Variants in SHTN1 observed in about 807,000 individuals in gnomAD.
SHTN1 encodes shootin-1.
SHTN1 carries 42 observed loss-of-function variants against 83.1 expected under a neutral mutation model. The ratio of observed to expected loss-of-function variants is 0.51; its 90% CI spans 0.39 to 0.65. SHTN1 has a LOEUF of 0.65. SHTN1 is among the 30% of genes least tolerant of loss of function. The pLI, the probability that SHTN1 is intolerant of heterozygous loss-of-function variation, is 0.00. For missense variants in SHTN1, 622 were observed against 737.8 expected (o/e 0.84, Z 1.82); for synonymous variants, 224 against 247.7 (o/e 0.90, Z 0.90).
chr10:116,922,833 G>A (rs1292000435), intron 11 of SHTN1, among the ~76,000 whole-genome samples: 1 of 152,080 alleles, frequency 6.6e-6, no homozygotes, highest in Non-Finnish European at 1.5e-5. Context: ...TGGGCGTGGT[G>A]GCGGACATCT....
chr10:116,881,637 G>A lies in SHTN1; in HGVS notation c.*4707C>T, dbSNP rs1412378160. 6.5e-7 allele frequency: 1 copy of A among 1,548,536 alleles called. No homozygotes were observed. Among genetic ancestry groups the A allele is most frequent in the African/African-American group, 1.4e-5 (1 of 72,976 alleles). On this transcript the variant is annotated 3_prime_UTR_variant, in exon 17 of 17. Transcript: ENST00000355371. ...CACCTTCCCCACACAAGGTGTAGAG[G>A]AATCAGCCGAAACAGGAGCATCCTC...
At chr10:117,052,041 A>G (rs1378759546) in intron 1 of SHTN1, among the ~76,000 whole-genome samples, 1 of 33,848 alleles carries the variant, frequency 3.0e-5, no homozygotes, top group Admixed American at 3.3e-4. Flanking sequence ...TAAGGAATAC[A>G]CAAAGAAAAT....
intron 1 of SHTN1, among the ~76,000 whole-genome samples, chr10:117,122,600 T>G (rs1032438668): frequency 6.6e-6 from 1 of 152,200 alleles, no homozygotes; most frequent in African/African-American, 2.4e-5. Context: ...TCACCTCACA[T>G]CTCTTAGGAC....
At chr10:117,016,535 T>TCCAGACTC (rs1351942747) in intron 2 of SHTN1, among the ~76,000 whole-genome samples, 1 of 152,192 alleles carries the variant, frequency 6.6e-6, no homozygotes, top group Non-Finnish European at 1.5e-5. Flanking sequence ...GCCTCCTAAG[T>TCCAGACTC]AGCTGGAACT....
chr10:116,971,889 C>A (rs1049172253), intron 2 of SHTN1, among the ~76,000 whole-genome samples: 1 of 152,164 alleles, frequency 6.6e-6, no homozygotes, highest in Non-Finnish European at 1.5e-5. Flanking sequence ...ATTCAATTCT[C>A]GCTTCAGTCA....
At chr10:116,970,177 C>G (rs1250923116) in intron 2 of SHTN1, among the ~76,000 whole-genome samples, 4 of 152,010 alleles carry the variant, frequency 2.6e-5, no homozygotes, top group Admixed American at 2.6e-4. Flanking sequence ...TCTCATAGAC[C>G]ACTGATGGAT....
chr10:117,005,538 G>A, upstream of SHTN1: 6 of 1,003,426 alleles, frequency 6.0e-6, no homozygotes, highest in Non-Finnish European at 7.1e-6. Flanking sequence ...CTTCCCGGGG[G>A]TCGCTCCCAA....
Position 116,911,731 on chromosome 10 carries a change from T to C in SHTN1, c.1359+59A>G, listed in dbSNP as rs916264746. 5.7e-6 allele frequency: 9 copies of C among 1,576,750 alleles called. No homozygotes were observed. The African/African-American group carries it at 1.1e-4, about 19-fold the overall frequency. On this transcript the variant is annotated intron_variant, in intron 14 of 16. Coordinates refer to ENST00000355371, the MANE Select transcript of SHTN1 (RefSeq NM_001127211.3). ...CAAACAATTCACAAAAAACAGATTT[T>C]AAAATACTCTCCTTTCATTTCCCCA...
intron 15 of SHTN1, among the ~76,000 whole-genome samples, chr10:116,902,861 A>T (rs1283617621): frequency 6.6e-6 from 1 of 152,238 alleles, no homozygotes. Context: ...TCCCTAACAA[A>T]TGTCAGATCA....
chr10:117,118,901 AC>A (rs1853887059), intron 1 of SHTN1, among the ~76,000 whole-genome samples: 1 of 152,216 alleles, frequency 6.6e-6, no homozygotes, highest in Non-Finnish European at 1.5e-5. Flanking sequence ...TATGTAACAA[AC>A]CTGCACATCC....
At chr10:116,915,517 T>C (rs1026881393) in intron 12 of SHTN1, 33 bp from the exon 13 acceptor site, 4 of 1,256,392 alleles carry the variant, frequency 3.2e-6, no homozygotes, top group Non-Finnish European at 4.6e-6. Flanking sequence ...AATCCTCTTA[T>C]GTTACAAGAA....
chr10:116,995,778 A>G (rs1218962165), intron 1 of SHTN1, among the ~76,000 whole-genome samples: 1 of 151,972 alleles, frequency 6.6e-6, no homozygotes, highest in Non-Finnish European at 1.5e-5. Context: ...AATGGGGCCA[A>G]TAAAGGCACC....
chr10:117,030,333 T>G (rs1433061833), intron 2 of SHTN1, among the ~76,000 whole-genome samples: 1 of 152,098 alleles, frequency 6.6e-6, no homozygotes, highest in Non-Finnish European at 1.5e-5. Context: ...ACAGGTTAGA[T>G]CACAACACCC....
At chr10:116,896,880 C>T (rs1847541382) in intron 16 of SHTN1, among the ~76,000 whole-genome samples, 1 of 150,272 alleles carries the variant, frequency 6.7e-6, no homozygotes, top group Admixed American at 6.7e-5. Context: ...AATCTGGGCT[C>T]ACTGCAACCT....
chr10:116,900,339 T>C, intron 16 of SHTN1: 1 of 582,268 alleles, frequency 1.7e-6, no homozygotes, highest in South Asian at 2.3e-5. Context: ...AAATTGAGCT[T>C]CACATCTGCC....
chr10:117,123,892 C>G (rs1004149510), intron 1 of SHTN1, among the ~76,000 whole-genome samples: 1 of 123,316 alleles, frequency 8.1e-6, no homozygotes, highest in Non-Finnish European at 1.6e-5. Flanking sequence ...GGTGACAGAA[C>G]AAGACCCTGT....
intron 14 of SHTN1, among the ~76,000 whole-genome samples, chr10:116,907,739 C>A (rs1848028911): frequency 6.6e-6 from 1 of 152,146 alleles, no homozygotes; most frequent in African/African-American, 2.4e-5. Flanking sequence ...GCAGGAGAAC[C>A]ATACATAATC....
At chr10:116,901,589 G>A in intron 16 of SHTN1, 176 bp downstream of exon 16, 2 of 985,332 alleles carry the variant, frequency 2.0e-6, no homozygotes, top group Non-Finnish European at 2.4e-6. Flanking sequence ...GGATCTGAAT[G>A]AGATCTCTTA....
chr10:116,927,246 T>A (rs181379730), intron 11 of SHTN1, among the ~76,000 whole-genome samples: 48 of 152,344 alleles, frequency 3.2e-4, no homozygotes, highest in African/African-American at 9.4e-4. Context: ...AATTCCTTGT[T>A]CTTACCATTA....
Sources: allele counts gnomAD v4.1 joint callset (sites outside exome capture counted in the v4.1 genomes callset), GRCh38; gene constraint gnomAD v4.1.1; transcripts MANE v1.5; gene names NCBI Gene and HGNC (gene_info 2026-07-23, HGNC 2026-07-21).